The following KIZ variants were observed in gnomAD, a reference collection of about 807,000 sequenced individuals.
The protein encoded by KIZ is kizuna centrosomal protein.
Under a neutral mutation model 79.6 loss-of-function variants are expected in KIZ, and 68 were observed. That is an observed-to-expected ratio of 0.85 (90% confidence interval 0.70 to 1.05). The LOEUF (loss-of-function observed/expected upper bound fraction) is 1.05, where lower values mean the gene tolerates loss of function less well. KIZ is among the 50% of genes least tolerant of loss of function. The pLI is 0.00. For missense variants in KIZ, 797 were observed against 800.4 expected (o/e 1.00, Z 0.05); for synonymous variants, 280 against 281.8 (o/e 0.99, Z 0.06).
At chr20:21,141,407 T>C (rs557588281) in intron 3 of KIZ, among the ~76,000 whole-genome samples, 2 of 152,316 alleles carry the variant, frequency 1.3e-5, no homozygotes, top group African/African-American at 4.8e-5. Flanking sequence ...GGGATATGTG[T>C]CCAGCAGCTC....
intron 4 of KIZ, chr20:21,151,935 G>A (rs961864946): frequency 6.6e-6 from 1 of 152,214 alleles, no homozygotes; most frequent in Non-Finnish European, 1.5e-5. Context: ...AGCTGCAGAG[G>A]AGAGGCTGAG....
intron 11 of KIZ, among the ~76,000 whole-genome samples, chr20:21,237,301 CAAAAAAAA>C (rs72536116): frequency 1.7e-5 from 1 of 58,636 alleles, no homozygotes; most frequent in Non-Finnish European, 3.6e-5. Flanking sequence ...AACTCCGTCT[CAAAAAAAA>C]AAAAAAAAAA....
chr20:21,156,625 G>T (rs1316870886), intron 4 of KIZ, among the ~76,000 whole-genome samples: 1 of 152,132 alleles, frequency 6.6e-6, no homozygotes, highest in South Asian at 2.1e-4. Context: ...GACAAAATTG[G>T]ATTATGGGTT....
At chr20:21,164,373 G>A (rs1453543837) in intron 6 of KIZ, among the ~76,000 whole-genome samples, 3 of 152,174 alleles carry the variant, frequency 2.0e-5, no homozygotes, top group African/African-American at 7.2e-5. Context: ...AACCGACATG[G>A]TTCCTGTCAT....
intron 6 of KIZ, among the ~76,000 whole-genome samples, chr20:21,167,458 A>G (rs934858951): frequency 1.3e-5 from 2 of 151,878 alleles, no homozygotes; most frequent in Non-Finnish European, 1.5e-5. Context: ...GGTAAGCAGT[A>G]GTGGAACATT....
At chr20:21,243,176 G>T (rs1362128467) in intron 11 of KIZ, among the ~76,000 whole-genome samples, 1 of 152,058 alleles carries the variant, frequency 6.6e-6, no homozygotes, top group African/African-American at 2.4e-5. Flanking sequence ...GCTCGTAGGG[G>T]TCTTCCATGC....
At chr20:21,154,018 C>T (rs984964022) in intron 4 of KIZ, 4 of 152,052 alleles carry the variant, frequency 2.6e-5, no homozygotes, top group Admixed American at 2.6e-4. Flanking sequence ...CATATAACTT[C>T]AGGATTGTTG....
intron 10 of KIZ, among the ~76,000 whole-genome samples, chr20:21,231,688 A>G (rs2036838276): frequency 6.6e-6 from 1 of 152,178 alleles, no homozygotes; most frequent in African/African-American, 2.4e-5. Flanking sequence ...TGAGCCCCAA[A>G]GAAAAGCAGA....
At chr20:21,194,704 T>C (rs1042944236) in intron 6 of KIZ, 1 of 152,132 alleles carries the variant, frequency 6.6e-6, no homozygotes, top group Admixed American at 6.6e-5. Flanking sequence ...ATAAAAATAC[T>C]GTCAGCCAGG....
intron 6 of KIZ, among the ~76,000 whole-genome samples, chr20:21,203,286 G>T (rs1195373177): frequency 1.3e-5 from 2 of 152,030 alleles, no homozygotes; most frequent in Non-Finnish European, 2.9e-5. Flanking sequence ...GCTCTATTTG[G>T]TTGGTATGTT....
chr20:21,212,499 G>C (rs1011243686), intron 7 of KIZ, among the ~76,000 whole-genome samples: 12 of 152,246 alleles, frequency 7.9e-5, no homozygotes, highest in Admixed American at 2.0e-4. Context: ...GCTAATGTAA[G>C]TGTTCTGAGC....
chr20:21,162,550 G>A, intron 5 of KIZ, 43 bp downstream of exon 5: 2 of 1,501,834 alleles, frequency 1.3e-6, no homozygotes, highest in South Asian at 2.5e-5. Flanking sequence ...TTTCTGGGTG[G>A]TAGTGATCTT....
chr20:21,173,144 T>TG (rs1262480579), intron 6 of KIZ, among the ~76,000 whole-genome samples: 1 of 152,060 alleles, frequency 6.6e-6, no homozygotes, highest in African/African-American at 2.4e-5. Flanking sequence ...AAAATCAAGT[T>TG]GGGGAAAGAG....
At chr20:21,127,509 A>G (rs1310113673) in intron 1 of KIZ, among the ~76,000 whole-genome samples, 1 of 152,234 alleles carries the variant, frequency 6.6e-6, no homozygotes, top group Non-Finnish European at 1.5e-5. Context: ...ATTAACACTT[A>G]TTTAATTATT....
At chr20:21,159,462 AC>A (rs537339981) in intron 4 of KIZ, among the ~76,000 whole-genome samples, 1 of 151,952 alleles carries the variant, frequency 6.6e-6, no homozygotes, top group Non-Finnish European at 1.5e-5. Flanking sequence ...GAAACCCCAT[AC>A]CTGTTGGGAA....
intron 11 of KIZ, among the ~76,000 whole-genome samples, chr20:21,233,213 T>C (rs2036893032): frequency 1.3e-5 from 2 of 152,258 alleles, no homozygotes; most frequent in Admixed American, 1.3e-4. Context: ...TGATGGCTAA[T>C]ATATAAACTA....
At position 21,145,654 on chromosome 20, in the gene KIZ, G is replaced by A. The variant is rs1366906494; in HGVS notation, c.405G>A (p.Lys135=). The A allele has an allele frequency of 7.2e-7, 1 of 1,389,870 alleles. No homozygotes were observed. Among genetic ancestry groups the A allele is most frequent in the Non-Finnish European group, 9.8e-7 (1 of 1,017,918 alleles). 86.1% of individuals were successfully genotyped at this position (1,389,870 alleles called of 1,614,324 possible). Residue 135 remains lysine (K), a splice_region_variant and synonymous_variant, in exon 4 of 13, where the codon AAG becomes AAA. Coordinates refer to ENST00000619189, the MANE Select transcript of KIZ (RefSeq NM_018474.6). ...KEELTDEDRE[K]VAVHEGINSG... ...AACTGACAGATGAAGACAGAGAAAA[G>A]GTAATAAACTAAATTGGTAACCTTT...
At position 21,205,661 on chromosome 20, in the gene KIZ, A is replaced by T. The variant is rs866755919; in HGVS notation, c.1446+77A>T. 1,988 of 558,392 alleles carry T rather than the reference A, an allele frequency of 3.6e-3. 33 individuals are homozygous for T. The African/African-American group carries it at 0.04, about 11-fold the overall frequency. The allele number at this position is 558,392 out of a possible 1,614,324, so 34.6% of individuals were successfully genotyped here. A position where few individuals can be genotyped will look rare whatever the true frequency, so the allele number is the denominator to read the frequency against. The stretch of plus-strand genomic sequence containing the variant: ...GGTAAGGTTAGTAATTTTTATTTAA[A>T]AAAAAAAAAAAAAAGTTTTGGCCAG... On this transcript the variant is annotated intron_variant, in intron 7 of 12. Transcript: ENST00000619189.
chr20:21,196,932 T>TG (rs2035367242), intron 6 of KIZ: 11 of 152,244 alleles, frequency 7.2e-5, no homozygotes, highest in Admixed American at 7.2e-4. Flanking sequence ...CACATAGCCA[T>TG]CAACTAGGTC....
Sources: allele counts gnomAD v4.1 joint callset (sites outside exome capture counted in the v4.1 genomes callset), GRCh38; gene constraint gnomAD v4.1.1; transcripts MANE v1.5; gene names NCBI Gene and HGNC (gene_info 2026-07-23, HGNC 2026-07-21).